VSNL1: variants seen among roughly 807,000 people sequenced by gnomAD.
VSNL1 encodes visinin-like protein 1.
A neutral mutation model predicts 20.4 loss-of-function variants in VSNL1; 6 were observed. That is an observed-to-expected ratio of 0.29 (90% CI 0.16 to 0.58). The LOEUF is 0.58. Ranked by LOEUF, VSNL1 falls within the 20% of genes least tolerant of loss-of-function variation. VSNL1 has a pLI of 0.90. For synonymous variants in VSNL1, 93 were observed against 86.4 expected (o/e 1.08, Z -0.42); for missense variants, 100 against 234.5 (o/e 0.43, Z 3.75).
intron 2 of VSNL1, among the ~76,000 whole-genome samples, chr2:17,611,909 T>C (rs1376521012): frequency 6.6e-6 from 1 of 152,232 alleles, no homozygotes; most frequent in Non-Finnish European, 1.5e-5. Flanking sequence ...ACCAAAGTAA[T>C]AGTGATGAGG....
At chr2:17,569,856 A>G (rs1664040614) in intron 1 of VSNL1, among the ~76,000 whole-genome samples, 1 of 152,210 alleles carries the variant, frequency 6.6e-6, no homozygotes, top group Non-Finnish European at 1.5e-5. Context: ...AGAATTTGTA[A>G]TTGCCAGAGC....
chr2:17,592,644 T>C (rs930017872), intron 2 of VSNL1, among the ~76,000 whole-genome samples: 15 of 1,678 alleles, frequency 8.9e-3, no homozygotes, highest in South Asian at 0.062. Flanking sequence ...CTCTCTCTTT[T>C]TTTTTTTTTT....
At chr2:17,572,258 G>A (rs1459527952) in intron 1 of VSNL1, among the ~76,000 whole-genome samples, 1 of 152,208 alleles carries the variant, frequency 6.6e-6, no homozygotes, top group Non-Finnish European at 1.5e-5. Flanking sequence ...TAGATAGCAA[G>A]TGGATTTCTT....
intron 1 of VSNL1, among the ~76,000 whole-genome samples, chr2:17,561,189 A>G (rs539598460): frequency 5.3e-5 from 8 of 152,212 alleles, no homozygotes; most frequent in Non-Finnish European, 1.2e-4. Flanking sequence ...ATCAGTCTGA[A>G]AAATGGGGTG....
intron 2 of VSNL1, among the ~76,000 whole-genome samples, chr2:17,642,308 C>CTTTTTT (rs1665897480): frequency 1.8e-5 from 1 of 55,850 alleles, no homozygotes. Flanking sequence ...GGTGAGCATT[C>CTTTTTT]CTTTTTTTTT....
At chr2:17,583,252 C>T (rs947576256) in intron 1 of VSNL1, among the ~76,000 whole-genome samples, 15 of 152,206 alleles carry the variant, frequency 9.9e-5, no homozygotes, top group African/African-American at 3.6e-4. Flanking sequence ...TGATCAATGC[C>T]TAACCCTGTG....
chr2:17,596,328 T>A (rs1009921580), intron 2 of VSNL1, among the ~76,000 whole-genome samples: 10 of 152,234 alleles, frequency 6.6e-5, no homozygotes, highest in Non-Finnish European at 1.2e-4. Flanking sequence ...TTGAATTTTG[T>A]CACCAAGAAC....
intron 2 of VSNL1, among the ~76,000 whole-genome samples, chr2:17,597,097 A>G (rs750640555): frequency 1.2e-4 from 18 of 152,324 alleles, no homozygotes; most frequent in Non-Finnish European, 2.5e-4. Context: ...GCCCTAGTCA[A>G]ATAGTGATGT....
intron 1 of VSNL1, among the ~76,000 whole-genome samples, chr2:17,565,914 G>T (rs1663928843): frequency 6.6e-6 from 1 of 152,112 alleles, no homozygotes; most frequent in South Asian, 2.1e-4. Flanking sequence ...TTTTATAAGG[G>T]TCTTCCTTGC....
At chr2:17,632,475 AT>A (rs1173031247) in intron 2 of VSNL1, among the ~76,000 whole-genome samples, 1 of 151,754 alleles carries the variant, frequency 6.6e-6, no homozygotes, top group Non-Finnish European at 1.5e-5. Flanking sequence ...TAATTTTTGT[AT>A]TTTTAGTAGA....
At chr2:17,551,713 C>T (rs544124908) in intron 1 of VSNL1, among the ~76,000 whole-genome samples, 1 of 152,132 alleles carries the variant, frequency 6.6e-6, no homozygotes, top group South Asian at 2.1e-4. Flanking sequence ...GACATTCTTC[C>T]AAAGAGGTGC....
intron 1 of VSNL1, among the ~76,000 whole-genome samples, chr2:17,575,069 T>C (rs1269846957): frequency 1.3e-5 from 2 of 152,058 alleles, no homozygotes; most frequent in African/African-American, 2.4e-5. Flanking sequence ...ACTCAAGCAA[T>C]CCACCTGCCC....
At chr2:17,635,241 G>A (rs1485848691) in intron 2 of VSNL1, among the ~76,000 whole-genome samples, 1 of 152,180 alleles carries the variant, frequency 6.6e-6, no homozygotes, top group Non-Finnish European at 1.5e-5. Context: ...TCAGGGCTCT[G>A]GTCCTGTGCC....
rs1157562369 is a variant in VSNL1 at position 17,572,331 on chromosome 2, TGTCTGGCGC to T, written c.-5-19738_-5-19730del. Among the ~76,000 whole-genome samples, 3 of 152,294 alleles carry T rather than the reference TGTCTGGCGC, an allele frequency of 2.0e-5. No individual in the cohort carries two copies. In the East Asian group the frequency reaches 5.8e-4, roughly 29 times the overall value. On this transcript the variant is annotated intron_variant, in intron 1 of 3. Coordinates refer to ENST00000295156, the MANE Select transcript of VSNL1 (RefSeq NM_003385.5). ...GAGGCACTTGTTTTTATTTTACATT[TGTCTGGCGC>T]ATGCAGTAGGATAAATGAGATACAG...
rs188801044 is a variant in VSNL1 at position 17,609,766 on chromosome 2, T to C, written c.162+17530T>C. ...TTCATCCAAATAGAGAGAATTATAC[T>C]GTGACCATAAAGGTCCCACCAATTG... is the stretch of plus-strand genomic sequence containing the variant. On this transcript the variant is annotated intron_variant, in intron 2 of 3. Coordinates refer to ENST00000295156, the MANE Select transcript of VSNL1 (RefSeq NM_003385.5). Among the ~76,000 whole-genome samples, 46 of 152,372 alleles carry C rather than the reference T, an allele frequency of 3.0e-4. No individual in the cohort carries two copies. The East Asian group carries it at 5.0e-3, about 17-fold the overall frequency.
intron 2 of VSNL1, among the ~76,000 whole-genome samples, chr2:17,622,542 AAGAAAGAAAG>A (rs70961502): frequency 1.6e-5 from 1 of 63,422 alleles, no homozygotes; most frequent in African/African-American, 7.8e-5. Flanking sequence ...AAAAGAAAGA[AAGAAAGAAAG>A]AAAGAAAGAA....
At chr2:17,616,123 T>C (rs542461356) in intron 2 of VSNL1, among the ~76,000 whole-genome samples, 1 of 152,352 alleles carries the variant, frequency 6.6e-6, no homozygotes, top group East Asian at 1.9e-4. Context: ...CTCACTGCTG[T>C]GGTCTGTGCA....
intron 2 of VSNL1, among the ~76,000 whole-genome samples, chr2:17,622,538 A>AAGAAAGAAAG (rs1665393442): frequency 2.7e-5 from 1 of 36,742 alleles, no homozygotes; most frequent in East Asian, 4.5e-4. Flanking sequence ...AAAGAAAAGA[A>AAGAAAGAAAG]AGAAAGAAAG....
intron 1 of VSNL1, among the ~76,000 whole-genome samples, chr2:17,553,883 A>G (rs1663611479): frequency 6.6e-6 from 1 of 152,198 alleles, no homozygotes; most frequent in Non-Finnish European, 1.5e-5. Flanking sequence ...TTTAATAAAG[A>G]AGTAGTAGTA....
Sources: allele counts gnomAD v4.1 joint callset (sites outside exome capture counted in the v4.1 genomes callset), GRCh38; gene constraint gnomAD v4.1.1; transcripts MANE v1.5; gene names NCBI Gene and HGNC (gene_info 2026-07-23, HGNC 2026-07-21).